The following BNIPL variants were observed in gnomAD, a reference collection of about 807,000 sequenced individuals.
The protein encoded by BNIPL is BCL2 interacting protein like, also known as bcl-2/adenovirus E1B 19 kDa-interacting protein 2-like protein.
In BNIPL, 33 loss-of-function variants were observed where a neutral mutation model predicts 47.0. The observed-to-expected ratio is 0.70, with a 90% CI of 0.53 to 0.94. The LOEUF is 0.94. Among genes scored for constraint, BNIPL ranks in the 40% least tolerant of loss-of-function variants. The pLI is 0.00. For missense variants in BNIPL, 404 were observed against 445.2 expected, an observed-to-expected ratio of 0.91 and a Z score of 0.83; for synonymous variants, 145 against 162.7, an observed-to-expected ratio of 0.89 and a Z score of 0.83.
rs587611462 is a variant in BNIPL at position 151,036,792 on chromosome 1, T to C, written c.41+26T>C. 109 of 1,589,998 alleles carry C rather than the reference T, an allele frequency of 6.9e-5. No homozygotes were observed. In the East Asian group the frequency reaches 1.5e-3, roughly 21 times the overall value. ...GTAAGTAAGATCTTGGCTCACTTGA[T>C]TGGTAACAGTGAATAAACAGTCCGG... On this transcript the variant is annotated intron_variant, in intron 1 of 9. Coordinates refer to ENST00000368931, the MANE Select transcript of BNIPL (RefSeq NM_138278.4).
chr1:151,045,415 C>T (rs1355711474), intron 7 of BNIPL: 10 of 177,950 alleles, frequency 5.6e-5, no homozygotes, highest in South Asian at 2.1e-4. Context: ...AAAAATTAGC[C>T]GGGCACGGTG....
Position 151,038,959 on chromosome 1 carries a change from G to C in BNIPL, c.366G>C (p.Glu122Asp). 2 of 1,612,882 alleles carry C rather than the reference G, an allele frequency of 1.2e-6. No homozygotes were observed. The highest frequency in any genetic ancestry group is 1.7e-6 in the Non-Finnish European group (2 of 1,179,556). Residue 122 changes from glutamate to aspartate, a missense_variant, in exon 4 of 10, where the codon GAG (glutamate) becomes GAC (aspartate). Glu to Asp is a conservative substitution (Grantham distance 45). Transcript: ENST00000368931. ...CTCCTGATGGCAGTTCTGACCTGGA[G>C]ATAGACGAATTGGAGACACCTTCAG... Reference protein sequence around the residue: ...PSSPDGSSDLEIDELETPSDS... With the variant: ...PSSPDGSSDLDIDELETPSDS...
chr1:151,036,643 G>A lies in BNIPL; in HGVS notation c.-83G>A, dbSNP rs149999726. 9.0e-4 allele frequency: 1,127 copies of A among 1,252,294 alleles called. No homozygotes were observed. Among genetic ancestry groups the A allele is most frequent in the Non-Finnish European group, 1.2e-3 (1,003 of 851,772 alleles). 77.6% of individuals were successfully genotyped at this position (1,252,294 alleles called of 1,614,324 possible). On this transcript the variant is annotated 5_prime_UTR_variant, in exon 1 of 10. Transcript: ENST00000368931. Reference sequence around the variant, plus strand: ...CTACAACAGCTGAGACAGAAAAGAGGTAAGGAAGTGTTGGGGGCTGGGACA... The same window carrying A: ...CTACAACAGCTGAGACAGAAAAGAGATAAGGAAGTGTTGGGGGCTGGGACA...
At chr1:151,039,733 AG>A (rs1675753953) in intron 4 of BNIPL, among the ~76,000 whole-genome samples, 1 of 152,098 alleles carries the variant, frequency 6.6e-6, no homozygotes, top group Non-Finnish European at 1.5e-5. Flanking sequence ...TATAGACAAT[AG>A]GGAGTCATGA....
At chr1:151,045,223 C>A (rs1322354403) in intron 7 of BNIPL, among the ~76,000 whole-genome samples, 1 of 125,130 alleles carries the variant, frequency 8.0e-6, no homozygotes. Context: ...GAGCCGAGAT[C>A]GAGCCACTGA....
chr1:151,038,867 T>G lies in BNIPL; in HGVS notation c.274T>G (p.Leu92Val). 1 of 1,613,962 alleles carries G rather than the reference T, an allele frequency of 6.2e-7. No homozygotes were observed. The highest frequency in any genetic ancestry group is 1.3e-5 in the African/African-American group (1 of 75,040). The change falls in exon 4 of 10, where the codon TTG becomes GTG. Residue 92 changes from leucine (L) to valine (V), a missense_variant. Coordinates refer to ENST00000368931, the MANE Select transcript of BNIPL (RefSeq NM_138278.4). ...GCGCAAGCGTCTTTCTGCCCCAGAG[T>G]TGCGGCTGAGTCTGACTAAGGGGCC... ...PMRKRLSAPE[L>V]RLSLTKGPGN...
chr1:151,041,177 C>T (rs934813805), intron 4 of BNIPL, among the ~76,000 whole-genome samples: 2 of 151,342 alleles, frequency 1.3e-5, no homozygotes, highest in Admixed American at 1.3e-4. Flanking sequence ...AGAGTGAGAC[C>T]CTGTCTCAAA....
intron 7 of BNIPL, chr1:151,045,143 C>T (rs1468447864): frequency 4.2e-6 from 1 of 240,752 alleles, no homozygotes; most frequent in Non-Finnish European, 7.6e-6. Context: ...TGGCATGTGC[C>T]TATAATCCCA....
chr1:151,045,782 CAT>C lies in BNIPL; in HGVS notation c.852-14_852-13del, dbSNP rs1181968316. On this transcript the variant is annotated splice_polypyrimidine_tract_variant and intron_variant, in intron 7 of 9. Transcript: ENST00000368931. ...GGTGGAAGAAGAAATAGGATGATCT[CAT>C]GTTGTTTTTCAGGCTACGGAAAAAC... 1 of 1,614,044 alleles carries C rather than the reference CAT, an allele frequency of 6.2e-7. No homozygotes were observed. Among genetic ancestry groups the C allele is most frequent in the Non-Finnish European group, 8.5e-7 (1 of 1,180,004 alleles).
chr1:151,042,824 A>G, intron 4 of BNIPL, 132 bp from the exon 5 acceptor site: 1 of 512,976 alleles, frequency 1.9e-6, no homozygotes, highest in Non-Finnish European at 2.7e-6. Flanking sequence ...AAAAAAAAGG[A>G]AAAAAAAAAA....
chr1:151,042,628 A>G (rs1228835229), intron 4 of BNIPL, among the ~76,000 whole-genome samples: 2 of 152,014 alleles, frequency 1.3e-5, no homozygotes, highest in Non-Finnish European at 2.9e-5. Context: ...AGCCTAGGCA[A>G]CACGGCAAAA....
intron 3 of BNIPL, 97 bp from the exon 4 acceptor site, chr1:151,038,699 T>C: frequency 3.8e-6 from 6 of 1,561,142 alleles, no homozygotes; most frequent in Non-Finnish European, 5.2e-6. Context: ...TCTTCAGCAT[T>C]CACCCCATAT....
Position 151,047,611 on chromosome 1 carries a change from C to T in BNIPL, c.*924C>T, listed in dbSNP as rs1676077329. ...AGCTCTGCTCCAAAGAAGTGAACGA[C>T]TCTTTCACCACCCCTTGCATCCCAA... On this transcript the variant is annotated 3_prime_UTR_variant, in exon 10 of 10. Coordinates refer to ENST00000368931, the MANE Select transcript of BNIPL (RefSeq NM_138278.4). 1 of 578,968 alleles carries T rather than the reference C, an allele frequency of 1.7e-6. No homozygotes were observed. The highest frequency in any genetic ancestry group is 1.9e-5 in the African/African-American group (1 of 52,236). The allele number at this position is 578,968 out of a possible 1,614,324, so 35.9% of individuals were successfully genotyped here. A position where few individuals can be genotyped will look rare whatever the true frequency, so the allele number is the denominator to read the frequency against.
intron 2 of BNIPL, among the ~76,000 whole-genome samples, chr1:151,038,092 A>G (rs886864418): frequency 2.9e-5 from 4 of 137,620 alleles, no homozygotes; most frequent in African/African-American, 1.1e-4. Context: ...AAGAAAACAG[A>G]GGCCGGGCGT....
At chr1:151,045,773 G>A in intron 7 of BNIPL, 24 bp from the exon 8 acceptor site, 4 of 1,614,030 alleles carry the variant, frequency 2.5e-6, no homozygotes, top group South Asian at 1.1e-5. Flanking sequence ...AGAAGAAATA[G>A]GATGATCTCA....
Position 151,038,796 on chromosome 1 carries a change from C to G in BNIPL, c.203C>G (p.Ala68Gly). Residue 68 changes from alanine to glycine, a missense_variant and splice_region_variant, in exon 4 of 10, where the codon GCT (alanine) becomes GGT (glycine). Coordinates refer to ENST00000368931, the MANE Select transcript of BNIPL (RefSeq NM_138278.4). ...PEDPKGDSQAAAGTPSTLALC... is the reference protein window; with the variant it reads ...PEDPKGDSQAGAGTPSTLALC... Reference sequence around the variant, plus strand: ...GTTCTCTTTTTCCCCCTTTCTCCAGCTGCAGGTACCCCCAGCACTTTAGCC... The same window carrying G: ...GTTCTCTTTTTCCCCCTTTCTCCAGGTGCAGGTACCCCCAGCACTTTAGCC... The G allele has an allele frequency of 6.4e-7, 1 of 1,572,152 alleles. No homozygotes were observed. The highest frequency in any genetic ancestry group is 8.6e-7 in the Non-Finnish European group (1 of 1,158,970).
Position 151,047,030 on chromosome 1 carries a change from G to C in BNIPL, c.*343G>C. ...GCTGGAGTGCAGTGGTGCGATCTCG[G>C]CTCACTGCAACCTCCGCCTCCCGGT... On this transcript the variant is annotated 3_prime_UTR_variant, in exon 10 of 10. Coordinates refer to ENST00000368931, the MANE Select transcript of BNIPL (RefSeq NM_138278.4). 5.7e-6 allele frequency: 1 copy of C among 175,428 alleles called. No individual in the cohort carries two copies. Among genetic ancestry groups the C allele is most frequent in the Non-Finnish European group, 1.2e-5 (1 of 83,100 alleles). The allele number at this position is 175,428 out of a possible 1,614,324, so 10.9% of individuals were successfully genotyped here. A position where few individuals can be genotyped will look rare whatever the true frequency, so the allele number is the denominator to read the frequency against.
At chr1:151,045,000 C>T in intron 7 of BNIPL, 1 of 1,256,888 alleles carries the variant, frequency 8.0e-7, no homozygotes, top group Non-Finnish European at 1.0e-6. Context: ...CGCGGTGGCT[C>T]ACGTCTGTAA....
intron 1 of BNIPL, 175 bp from the exon 2 acceptor site, chr1:151,037,392 T>C: frequency 7.4e-7 from 1 of 1,345,748 alleles, no homozygotes; most frequent in Non-Finnish European, 9.6e-7. Flanking sequence ...TAACAGCAGG[T>C]AATCTGCTTC....
Sources: gnomAD v4.1 joint callset for allele counts (sites outside exome capture counted in the v4.1 genomes callset) on GRCh38, gnomAD v4.1.1 for gene constraint, MANE v1.5 for transcripts, NCBI Gene and HGNC (gene_info 2026-07-23, HGNC 2026-07-21) for gene names.